TNPO3: variants seen among roughly 807,000 people sequenced by gnomAD.
TNPO3 encodes transportin 3.
TNPO3 carries 65 observed loss-of-function variants against 122.8 expected under a neutral mutation model. That is an observed-to-expected ratio of 0.53 (90% CI 0.43 to 0.65). TNPO3 has a LOEUF of 0.65. Ranked by LOEUF, TNPO3 falls within the 30% of genes least tolerant of loss-of-function variation. TNPO3 has a pLI of 0.00. For synonymous variants in TNPO3, 372 were observed against 411.2 expected (o/e 0.90, Z 1.15); for missense variants, 850 against 1,136.7 (o/e 0.75, Z 3.63).
chr7:129,029,082 C>T (rs1280836967), intron 1 of TNPO3: 3 of 271,522 alleles, frequency 1.1e-5, no homozygotes, highest in Non-Finnish European at 2.2e-5. Context: ...CCTCATGTCA[C>T]CCCCTTTTAT....
intron 1 of TNPO3, among the ~76,000 whole-genome samples, chr7:129,040,984 GAAA>G (rs1189637715): frequency 1.3e-5 from 2 of 152,138 alleles, no homozygotes; most frequent in African/African-American, 4.8e-5. Context: ...CATCGTCAAC[GAAA>G]AATCACCCGT....
intron 4 of TNPO3, among the ~76,000 whole-genome samples, chr7:129,013,705 T>A (rs925718396): frequency 5.3e-5 from 8 of 152,158 alleles, no homozygotes; most frequent in African/African-American, 1.9e-4. Context: ...AGCCAAGATA[T>A]GGAATCAACC....
chr7:128,971,592 T>G (rs969303919), intron 19 of TNPO3, among the ~76,000 whole-genome samples: 13 of 152,242 alleles, frequency 8.5e-5, no homozygotes, highest in African/African-American at 3.1e-4. Context: ...GAATACTTAC[T>G]TCTTCACTGC....
At chr7:128,967,624 A>G (rs955328917) in intron 20 of TNPO3, among the ~76,000 whole-genome samples, 3 of 152,242 alleles carry the variant, frequency 2.0e-5, no homozygotes, top group Non-Finnish European at 4.4e-5. Context: ...AGCGGGCATC[A>G]TTTCAGAAAA....
intron 1 of TNPO3, among the ~76,000 whole-genome samples, chr7:129,043,392 G>T (rs1807641061): frequency 6.6e-6 from 1 of 152,078 alleles, no homozygotes; most frequent in Non-Finnish European, 1.5e-5. Flanking sequence ...GTGACAGAGT[G>T]AAACCCTATC....
chr7:129,050,138 C>G (rs545961372), intron 1 of TNPO3, among the ~76,000 whole-genome samples: 22 of 151,996 alleles, frequency 1.4e-4, no homozygotes, highest in African/African-American at 5.3e-4. Flanking sequence ...AATCCCAGCA[C>G]TTTGGGAGGC....
chr7:128,976,519 G>A (rs766123369), intron 16 of TNPO3, among the ~76,000 whole-genome samples: 10 of 151,986 alleles, frequency 6.6e-5, no homozygotes, highest in Admixed American at 1.3e-4. Context: ...TGTTGCCCAG[G>A]CTGGAGTGCA....
intron 1 of TNPO3, among the ~76,000 whole-genome samples, chr7:129,039,971 C>T (rs1807166656): frequency 6.6e-6 from 1 of 152,064 alleles, no homozygotes; most frequent in Admixed American, 6.6e-5. Context: ...ATGAAAATGT[C>T]CAGCTGGGCA....
intron 4 of TNPO3, among the ~76,000 whole-genome samples, chr7:129,005,413 T>C (rs1331924596): frequency 6.6e-6 from 1 of 152,124 alleles, no homozygotes; most frequent in African/African-American, 2.4e-5. Context: ...ATACAACTTA[T>C]CTACTTAATC....
At chr7:128,969,370 C>T (rs572514182) in intron 20 of TNPO3, among the ~76,000 whole-genome samples, 7 of 152,182 alleles carry the variant, frequency 4.6e-5, no homozygotes, top group Admixed American at 3.9e-4. Flanking sequence ...GGAATAGGTA[C>T]TATCTGTTAT....
rs780935123 is a variant in TNPO3 at position 129,000,570 on chromosome 7, G to A, written c.873-3C>T. 1.9e-5 allele frequency: 30 copies of A among 1,612,494 alleles called. 1 individual carries two copies. The Middle Eastern group carries it at 2.6e-3, about 140-fold the overall frequency. ...AAATACGGCAGTAATTCAGAACTCT[G>A]TAGAAGACAGGGGAATGAGAACAAT... On this transcript the variant is annotated splice_polypyrimidine_tract_variant and splice_region_variant and intron_variant, in intron 6 of 22. Transcript: ENST00000265388.
At chr7:129,034,894 C>CAA (rs1219082555) in intron 1 of TNPO3, among the ~76,000 whole-genome samples, 26 of 48,252 alleles carry the variant, frequency 5.4e-4, no homozygotes, top group South Asian at 7.2e-4. Context: ...GACTCTGTCT[C>CAA]AAAAAAAAAA....
intron 4 of TNPO3, among the ~76,000 whole-genome samples, chr7:129,009,047 C>T (rs1297492813): frequency 1.3e-5 from 2 of 152,130 alleles, no homozygotes; most frequent in Non-Finnish European, 2.9e-5. Context: ...GAGAGCTATG[C>T]TATGTTAAAA....
chr7:128,959,843 G>A (rs1349678321), intron 21 of TNPO3, among the ~76,000 whole-genome samples: 1 of 152,108 alleles, frequency 6.6e-6, no homozygotes. Context: ...CCAACATGGT[G>A]AAATCCATCT....
intron 1 of TNPO3, among the ~76,000 whole-genome samples, chr7:129,031,536 A>C (rs927995240): frequency 2.0e-5 from 3 of 152,252 alleles, no homozygotes; most frequent in Non-Finnish European, 2.9e-5. Context: ...ACTTGCCAAG[A>C]GATTAAATCA....
chr7:129,027,558 C>CAAGAAAAAA (rs1805349844), intron 1 of TNPO3, among the ~76,000 whole-genome samples: 1 of 8,962 alleles, frequency 1.1e-4, no homozygotes, highest in Non-Finnish European at 1.8e-4. Context: ...AAGACTGTCT[C>CAAGAAAAAA]AAAAAAAAAA....
At position 128,980,011 on chromosome 7, in the gene TNPO3, T is replaced by C. The variant is rs1799469069; in HGVS notation, c.1880A>G (p.Glu627Gly). 6.2e-7 allele frequency: 1 copy of C among 1,614,002 alleles called. No homozygotes were observed. The highest frequency in any genetic ancestry group is 1.3e-5 in the African/African-American group (1 of 74,922). ...CTGACACGGATGAGTCTGTCCATTT[T>C]CCACAATGGGATTGGTATGCCTGGG... ...VIFRHTNPIV[E>G]NGQTHPCQKV... Residue 627 changes from glutamate (E) to glycine (G), a missense_variant, in exon 15 of 23, where the codon GAA becomes GGA. Coordinates refer to ENST00000265388, the MANE Select transcript of TNPO3 (RefSeq NM_012470.4).
chr7:129,004,935 T>G (rs1802404605), intron 5 of TNPO3, 81 bp downstream of exon 5: 22 of 1,457,904 alleles, frequency 1.5e-5, no homozygotes, highest in Non-Finnish European at 1.9e-5. Context: ...TGCAAAAATT[T>G]AAAAACGTTT....
At chr7:128,965,372 G>A (rs576600501) in intron 21 of TNPO3, among the ~76,000 whole-genome samples, 1 of 152,184 alleles carries the variant, frequency 6.6e-6, no homozygotes, top group Non-Finnish European at 1.5e-5. Context: ...AAATGAAAAC[G>A]GCAATGAGAT....
Sources: gnomAD v4.1 joint callset for allele counts (sites outside exome capture counted in the v4.1 genomes callset) on GRCh38, gnomAD v4.1.1 for gene constraint, MANE v1.5 for transcripts, NCBI Gene and HGNC (gene_info 2026-07-23, HGNC 2026-07-21) for gene names.